The following PRKN variants were observed in gnomAD, a reference collection of about 807,000 sequenced individuals.
PRKN encodes the protein E3 ubiquitin-protein ligase parkin.
Under a neutral mutation model 59.5 loss-of-function variants are expected in PRKN, and 56 were observed. The ratio of observed to expected loss-of-function variants is 0.94; its 90% CI spans 0.76 to 1.18. The LOEUF is 1.18. PRKN is among the 50% of genes most tolerant of loss of function. The probability of loss-of-function intolerance (pLI) is 0.00; values close to 1 mark genes in which losing one functional copy is unlikely to be tolerated. For missense variants in PRKN, 657 were observed against 596.4 expected (o/e 1.10, Z -1.06); for synonymous variants, 250 against 222.1 (o/e 1.13, Z -1.12).
chr6:161,731,514 G>T (rs1787710114), intron 7 of PRKN, among the ~76,000 whole-genome samples: 1 of 152,206 alleles, frequency 6.6e-6, no homozygotes, highest in South Asian at 2.1e-4. Flanking sequence ...AAAAGTAAAA[G>T]TATGTATTTT....
intron 2 of PRKN, among the ~76,000 whole-genome samples, chr6:162,417,605 C>T (rs1788696905): frequency 6.6e-6 from 1 of 152,184 alleles, no homozygotes; most frequent in Admixed American, 6.5e-5. Context: ...GTAGTTCAAG[C>T]ACTGAGGGCC....
chr6:162,273,667 T>C (rs1368875178), intron 2 of PRKN, among the ~76,000 whole-genome samples: 1 of 152,166 alleles, frequency 6.6e-6, no homozygotes, highest in Non-Finnish European at 1.5e-5. Context: ...CTTCATGATG[T>C]TGGAGTTGAA....
chr6:161,660,761 G>A (rs984800992), intron 7 of PRKN, among the ~76,000 whole-genome samples: 8 of 152,110 alleles, frequency 5.3e-5, no homozygotes, highest in Admixed American at 1.3e-4. Context: ...TGTCCTTCCC[G>A]ATCTCATCCA....
intron 6 of PRKN, among the ~76,000 whole-genome samples, chr6:161,945,845 C>T (rs1370043716): frequency 1.3e-5 from 2 of 152,192 alleles, no homozygotes; most frequent in African/African-American, 2.4e-5. Flanking sequence ...ATGTGTCACA[C>T]CCTAGATTTT....
chr6:162,595,596 G>T (rs1781470507), intron 1 of PRKN, among the ~76,000 whole-genome samples: 1 of 151,944 alleles, frequency 6.6e-6, no homozygotes, highest in African/African-American at 2.4e-5. Context: ...AACAATTACA[G>T]TTATTGTTTT....
chr6:161,653,843 C>T (rs553158992), intron 7 of PRKN, among the ~76,000 whole-genome samples: 5 of 152,294 alleles, frequency 3.3e-5, no homozygotes, highest in African/African-American at 1.2e-4. Flanking sequence ...ACTGTGAAGA[C>T]TCCTAAGAGG....
chr6:162,210,358 A>G (rs1394579158), intron 3 of PRKN, among the ~76,000 whole-genome samples: 2 of 152,126 alleles, frequency 1.3e-5, no homozygotes, highest in East Asian at 3.9e-4. Flanking sequence ...TCTGCTATAC[A>G]TGGAATGTTC....
chr6:161,869,437 C>T (rs955683682), intron 6 of PRKN, among the ~76,000 whole-genome samples: 1 of 152,038 alleles, frequency 6.6e-6, no homozygotes, highest in Non-Finnish European at 1.5e-5. Flanking sequence ...TCAACCCATA[C>T]ACATGCTTTT....
At position 161,468,967 on chromosome 6, in the gene PRKN, G is replaced by A. The variant is rs912150587; in HGVS notation, c.1083+79887C>T. ...AAAACCCAGCAGTACACAAATGGGCGCTCCCTACAGGCCAAGTAAAATTCC... is the reference window on the plus strand; with the variant it reads ...AAAACCCAGCAGTACACAAATGGGCACTCCCTACAGGCCAAGTAAAATTCC... On this transcript the variant is annotated intron_variant, in intron 9 of 11. Transcript: ENST00000366898. This position sits in a 1 kb window ranked among gnomAD's most constrained non-coding sequence, Gnocchi z 5.9. Among the ~76,000 whole-genome samples, 6 of 152,056 alleles carry A rather than the reference G, an allele frequency of 3.9e-5. No individual in the cohort carries two copies. The highest frequency in any genetic ancestry group is 1.2e-4 in the African/African-American group (5 of 41,370).
At chr6:161,829,053 C>A (rs1792366183) in intron 6 of PRKN, among the ~76,000 whole-genome samples, 1 of 151,968 alleles carries the variant, frequency 6.6e-6, no homozygotes, top group South Asian at 2.1e-4. Context: ...ATGGTGAAAC[C>A]TGTCTCTAGT....
chr6:162,507,027 AC>A (rs1396717955), intron 1 of PRKN, among the ~76,000 whole-genome samples: 2 of 152,180 alleles, frequency 1.3e-5, no homozygotes, highest in African/African-American at 4.8e-5. Context: ...GGTAAAAAAG[AC>A]CTGGGTTCTT....
chr6:162,445,951 C>T (rs914587468), intron 1 of PRKN, among the ~76,000 whole-genome samples: 6 of 151,944 alleles, frequency 3.9e-5, no homozygotes, highest in African/African-American at 1.4e-4. Flanking sequence ...AGAACAAAGG[C>T]CTGACATCTC....
chr6:161,784,797 C>T (rs1790347529), intron 7 of PRKN, among the ~76,000 whole-genome samples: 1 of 152,050 alleles, frequency 6.6e-6, no homozygotes, highest in Admixed American at 6.5e-5. Context: ...CATACAGAAA[C>T]TTATATATGA....
chr6:162,555,158 A>G (rs1453665998), intron 1 of PRKN, among the ~76,000 whole-genome samples: 2 of 152,192 alleles, frequency 1.3e-5, no homozygotes, highest in Non-Finnish European at 2.9e-5. Flanking sequence ...GGCTATATAT[A>G]TTATATATGG....
Position 161,463,273 on chromosome 6 carries a change from C to G in PRKN, c.1084-76396G>C, listed in dbSNP as rs1007983784. 6.6e-6 allele frequency among the ~76,000 whole-genome samples: 1 copy of G among 152,176 alleles called. No homozygotes were observed. The highest frequency in any genetic ancestry group is 1.5e-5 in the Non-Finnish European group (1 of 68,024). Reference sequence around the variant, plus strand: ...GCTGGTGCCTCTCCTGACCCCTCCTCCCTTGTTACCAAGGATGCCAAAACT... The same window carrying G: ...GCTGGTGCCTCTCCTGACCCCTCCTGCCTTGTTACCAAGGATGCCAAAACT... On this transcript the variant is annotated intron_variant, in intron 9 of 11. Transcript: ENST00000366898. The surrounding 1 kb of genome is among the most constrained non-coding windows in gnomAD (Gnocchi z 4.8).
chr6:162,079,022 C>A (rs538889511), intron 4 of PRKN, among the ~76,000 whole-genome samples: 2 of 152,168 alleles, frequency 1.3e-5, no homozygotes, highest in South Asian at 4.1e-4. Context: ...CATTCTGGAA[C>A]TCATAAGCGG....
At chr6:161,767,072 T>G (rs1195460925) in intron 7 of PRKN, among the ~76,000 whole-genome samples, 5 of 152,168 alleles carry the variant, frequency 3.3e-5, no homozygotes, top group Non-Finnish European at 7.3e-5. Context: ...CAGGTTAAGT[T>G]GGGGTAGAGT....
chr6:161,540,966 A>AT (rs1461920498), intron 9 of PRKN, among the ~76,000 whole-genome samples: 1 of 152,124 alleles, frequency 6.6e-6, no homozygotes, highest in South Asian at 2.1e-4. Flanking sequence ...GCTGCTCTAT[A>AT]TTTTTGTAGT....
At chr6:161,818,396 G>A (rs1174416725) in intron 6 of PRKN, among the ~76,000 whole-genome samples, 3 of 151,376 alleles carry the variant, frequency 2.0e-5, no homozygotes, top group Non-Finnish European at 4.4e-5. Context: ...GTGCAGTGGT[G>A]CGATCACAGC....
Sources: gnomAD v4.1 joint callset for allele counts (sites outside exome capture counted in the v4.1 genomes callset) on GRCh38, gnomAD v4.1.1 for gene constraint, Gnocchi (gnomAD v3.1) non-coding constraint, MANE v1.5 for transcripts, NCBI Gene and HGNC (gene_info 2026-07-23, HGNC 2026-07-21) for gene names.